The following LGR5 variants were observed in gnomAD, a reference collection of about 807,000 sequenced individuals.
LGR5 encodes the protein leucine rich repeat containing G protein-coupled receptor 5, also known as leucine-rich repeat-containing G protein-coupled receptor 5.
A neutral mutation model predicts 76.7 loss-of-function variants in LGR5; 54 were observed. That is an observed-to-expected ratio of 0.70 (90% CI 0.57 to 0.88). LGR5 has a LOEUF of 0.88. LGR5 is among the 40% of genes least tolerant of loss of function. The pLI is 0.00. For missense variants in LGR5, 1,078 were observed against 1,073.3 expected, an observed-to-expected ratio of 1.00 and a Z score of -0.06; for synonymous variants, 406 against 421.9, an observed-to-expected ratio of 0.96 and a Z score of 0.46.
chr12:71,459,940 C>A (rs1872624986), intron 1 of LGR5, among the ~76,000 whole-genome samples: 1 of 152,008 alleles, frequency 6.6e-6, no homozygotes, highest in African/African-American at 2.4e-5. Flanking sequence ...GGTTTATCTG[C>A]AGACCACTTA....
In LGR5 at chr12:71,512,280, G is replaced by A. The variant is rs547567468; in HGVS notation, c.284+7595G>A. ...GCTGGGATTACGTGAGTGAGCCACC[G>A]CGCCTAGCCTGGGTACCTGTTAAAA... On this transcript the variant is annotated intron_variant, in intron 2 of 17. Transcript: ENST00000266674. Among the ~76,000 whole-genome samples the A allele has an allele frequency of 5.3e-5, 8 of 152,278 alleles. No individual in the cohort carries two copies. The South Asian group carries it at 6.2e-4, about 12-fold the overall frequency.
At position 71,492,651 on chromosome 12, in the gene LGR5, G is replaced by A. The variant is rs115831220; in HGVS notation, c.213-11963G>A. 2.8e-3 allele frequency among the ~76,000 whole-genome samples: 424 copies of A among 152,246 alleles called. 4 individuals carry two copies. The highest frequency in any genetic ancestry group is 9.3e-3 in the African/African-American group (387 of 41,546). ...TAATTATTGTCTTGAGAGTCAAACC[G>A]ATGGGAATTTTCTCTAACAGAGGAA... On this transcript the variant is annotated intron_variant, in intron 1 of 17. Transcript: ENST00000266674.
intron 4 of LGR5, among the ~76,000 whole-genome samples, 166 bp from the exon 5 acceptor site, chr12:71,552,904 GAGA>G (rs1179057603): frequency 3.9e-5 from 6 of 152,130 alleles, no homozygotes; most frequent in Non-Finnish European, 8.8e-5. Context: ...ACACATGAAT[GAGA>G]AGGAGAGATC....
At chr12:71,445,455 C>T (rs2137196141) in intron 1 of LGR5, among the ~76,000 whole-genome samples, 1 of 152,342 alleles carries the variant, frequency 6.6e-6, no homozygotes, top group African/African-American at 2.4e-5. Flanking sequence ...GATCTGTCAG[C>T]TTTAATCCAC....
intron 3 of LGR5, among the ~76,000 whole-genome samples, chr12:71,534,597 A>G (rs1876488709): frequency 6.6e-6 from 1 of 152,174 alleles, no homozygotes. Context: ...GTGGCTGGCA[A>G]AGCCCTCCAT....
intron 1 of LGR5, among the ~76,000 whole-genome samples, chr12:71,490,762 T>G (rs1467911013): frequency 6.6e-6 from 1 of 152,084 alleles, no homozygotes; most frequent in East Asian, 1.9e-4. Flanking sequence ...GGCCTAACCA[T>G]CATGTTTGTA....
rs1871673949 is a variant in LGR5 at position 71,439,940 on chromosome 12, G to A, written c.-141G>A. 4.1e-6 allele frequency: 3 copies of A among 724,800 alleles called. No individual in the cohort carries two copies. The highest frequency in any genetic ancestry group is 1.9e-5 in the African/African-American group (1 of 52,870). 44.9% of individuals were successfully genotyped at this position (724,800 alleles called of 1,614,324 possible). On this transcript the variant is annotated 5_prime_UTR_variant, in exon 1 of 18. Transcript: ENST00000266674. The stretch of plus-strand genomic sequence containing the variant: ...TTCTCCTCGCCGCCCACGCCGTGGG[G>A]TCAGGAACGCGGCGTCTGGCGCTGC...
At chr12:71,501,422 C>T (rs1267588184) in intron 1 of LGR5, among the ~76,000 whole-genome samples, 4 of 152,204 alleles carry the variant, frequency 2.6e-5, no homozygotes, top group Non-Finnish European at 4.4e-5. Flanking sequence ...TCATTTTCCT[C>T]ACCTATAATG....
rs770233037 is a variant in LGR5, at chr12:71,440,117, C to A, written c.37C>A (p.Pro13Thr). The change falls in exon 1 of 18, where the codon CCT becomes ACT. Residue 13 changes from proline to threonine, a missense_variant. Coordinates refer to ENST00000266674, the MANE Select transcript of LGR5 (RefSeq NM_003667.4). The surrounding 1 kb of genome is among the most constrained non-coding windows in gnomAD (Gnocchi z 5.3). ...CCGGCTCGGTGTGCTCCTGTCCTTG[C>A]CTGTGCTGCTGCAGCTGGCGACCGG... ...TSRLGVLLSL[P>T]VLLQLATGGS... is the part of the protein sequence containing the mutation. 4.4e-6 allele frequency: 7 copies of A among 1,607,252 alleles called. No homozygotes were observed. In the South Asian group the frequency reaches 6.6e-5, roughly 15 times the overall value.
intron 1 of LGR5, among the ~76,000 whole-genome samples, chr12:71,455,370 G>T (rs533931966): frequency 6.6e-6 from 1 of 152,226 alleles, no homozygotes; most frequent in South Asian, 2.1e-4. Flanking sequence ...GCTTGACATT[G>T]TGTGTATTGC....
chr12:71,538,033 C>T (rs1334785517), intron 4 of LGR5, among the ~76,000 whole-genome samples: 1 of 152,032 alleles, frequency 6.6e-6, no homozygotes, highest in Non-Finnish European at 1.5e-5. Flanking sequence ...AGCACTCTAC[C>T]CTTGATAGGG....
intron 1 of LGR5, among the ~76,000 whole-genome samples, chr12:71,459,055 C>G (rs976589842): frequency 6.6e-6 from 1 of 151,960 alleles, no homozygotes; most frequent in Non-Finnish European, 1.5e-5. Flanking sequence ...GAATTCTCCT[C>G]TGTGCTTTCT....
At position 71,525,333 on chromosome 12, in the gene LGR5, G is replaced by C. The variant is rs375069819; in HGVS notation, c.356+856G>C. 1.3e-3 allele frequency among the ~76,000 whole-genome samples: 193 copies of C among 151,788 alleles called. 1 individual carries two copies. The highest frequency in any genetic ancestry group is 4.4e-3 in the African/African-American group (184 of 41,452). ...TTGTTAAAAGTGAAATTCAACAGCAGAACCGTTATTTGATCGCCTTAGGAG... is the reference window on the plus strand; with the variant it reads ...TTGTTAAAAGTGAAATTCAACAGCACAACCGTTATTTGATCGCCTTAGGAG... On this transcript the variant is annotated intron_variant, in intron 3 of 17. Coordinates refer to ENST00000266674, the MANE Select transcript of LGR5 (RefSeq NM_003667.4).
At chr12:71,583,371 T>G in intron 17 of LGR5, 2 of 423,488 alleles carry the variant, frequency 4.7e-6, no homozygotes, top group Middle Eastern at 6.3e-4. Context: ...CAGCTGTATC[T>G]TAGAGACTTC....
intron 1 of LGR5, chr12:71,441,704 T>C (rs1871776881): frequency 6.6e-6 from 1 of 152,240 alleles, no homozygotes; most frequent in Non-Finnish European, 1.5e-5. Flanking sequence ...CCTCCTCCTC[T>C]ACCATAAAGC....
At chr12:71,518,411 A>G (rs1187768137) in intron 2 of LGR5, among the ~76,000 whole-genome samples, 2 of 152,204 alleles carry the variant, frequency 1.3e-5, no homozygotes, top group Non-Finnish European at 2.9e-5. Flanking sequence ...GGGAGTGAAA[A>G]TTAGCGCAAC....
intron 1 of LGR5, among the ~76,000 whole-genome samples, chr12:71,445,690 G>A (rs1871958644): frequency 6.6e-6 from 1 of 152,004 alleles, no homozygotes; most frequent in South Asian, 2.1e-4. Flanking sequence ...GGGAATGCCT[G>A]GCTTGAAACT....
At chr12:71,582,995 A>AGGGG (rs2137483115) in intron 17 of LGR5, among the ~76,000 whole-genome samples, 1 of 82,910 alleles carries the variant, frequency 1.2e-5, no homozygotes, top group Middle Eastern at 6.1e-3. Flanking sequence ...AGGGGAAGGG[A>AGGGG]AGGGAGGGGA....
chr12:71,567,246 G>T, intron 11 of LGR5: 1 of 274,806 alleles, frequency 3.6e-6, no homozygotes, highest in Non-Finnish European at 7.1e-6. Context: ...ATAACATAAT[G>T]GATCAACCAC....
Sources: gnomAD v4.1 joint callset for allele counts (sites outside exome capture counted in the v4.1 genomes callset) on GRCh38, gnomAD v4.1.1 for gene constraint, Gnocchi (gnomAD v3.1) non-coding constraint, MANE v1.5 for transcripts, NCBI Gene and HGNC (gene_info 2026-07-23, HGNC 2026-07-21) for gene names.